The following EXOC6B variants were observed in gnomAD, a reference collection of about 807,000 sequenced individuals.
The protein encoded by EXOC6B is SEC15 homolog B.
In EXOC6B, 54 loss-of-function variants were observed where a neutral mutation model predicts 113.5. That is an observed-to-expected ratio of 0.48 (90% CI 0.38 to 0.60). The LOEUF is 0.60. EXOC6B is among the 20% of genes least tolerant of loss of function. The probability of loss-of-function intolerance (pLI) is 0.00; values close to 1 mark genes in which losing one functional copy is unlikely to be tolerated. For synonymous variants in EXOC6B, 357 were observed against 339.0 expected (o/e 1.05, Z -0.58); for missense variants, 797 against 977.5 (o/e 0.82, Z 2.46).
intron 20 of EXOC6B, among the ~76,000 whole-genome samples, chr2:72,214,650 C>T (rs1288043317): frequency 6.6e-6 from 1 of 152,126 alleles, no homozygotes; most frequent in Non-Finnish European, 1.5e-5. Context: ...CACTTATCAG[C>T]TGATCTGCAG....
At chr2:72,640,770 T>C (rs1006197770) in intron 6 of EXOC6B, among the ~76,000 whole-genome samples, 3 of 152,096 alleles carry the variant, frequency 2.0e-5, no homozygotes, top group Non-Finnish European at 4.4e-5. Flanking sequence ...AATAAAGGGA[T>C]GGAGAAAAAT....
At chr2:72,682,435 A>C (rs1325424073) in intron 6 of EXOC6B, among the ~76,000 whole-genome samples, 1 of 152,142 alleles carries the variant, frequency 6.6e-6, no homozygotes, top group African/African-American at 2.4e-5. Flanking sequence ...CCTTTTTTAT[A>C]TTCTCTACCT....
At chr2:72,401,405 T>G (rs554896192) in intron 18 of EXOC6B, among the ~76,000 whole-genome samples, 228 of 143,306 alleles carry the variant, frequency 1.6e-3, no homozygotes, top group Non-Finnish European at 2.7e-3. Context: ...GAGGTTGCAG[T>G]GAGCCGAGAT....
intron 20 of EXOC6B, among the ~76,000 whole-genome samples, chr2:72,190,959 A>G (rs1267253046): frequency 1.3e-5 from 2 of 152,220 alleles, no homozygotes; most frequent in Non-Finnish European, 2.9e-5. Flanking sequence ...GGCTAATTCA[A>G]TCAAAAGCAA....
Position 72,554,522 on chromosome 2 carries a change from C to T in EXOC6B, c.915+4931G>A, listed in dbSNP as rs191699487. ...TTTTAAAATGGCAATTTTTCCTGTC[C>T]TCACATTCATTCTCTTTCCTGCCAC... On this transcript the variant is annotated intron_variant, in intron 8 of 21. Coordinates refer to ENST00000272427, the MANE Select transcript of EXOC6B (RefSeq NM_015189.3). 5.9e-3 allele frequency among the ~76,000 whole-genome samples: 905 copies of T among 152,260 alleles called. 4 individuals carry two copies. The highest frequency in any genetic ancestry group is 9.7e-3 in the Non-Finnish European group (662 of 68,016).
chr2:72,541,007 G>A (rs1366184166), intron 8 of EXOC6B, among the ~76,000 whole-genome samples: 2 of 152,104 alleles, frequency 1.3e-5, no homozygotes, highest in Non-Finnish European at 2.9e-5. Context: ...TGGTTTGGTT[G>A]TGTCCCCACC....
intron 6 of EXOC6B, among the ~76,000 whole-genome samples, chr2:72,648,352 C>G (rs1387546624): frequency 6.6e-6 from 1 of 152,180 alleles, no homozygotes; most frequent in Non-Finnish European, 1.5e-5. Context: ...TTAGTTCAAC[C>G]ACTGTGGAAG....
At chr2:72,255,528 G>C (rs904331322) in intron 20 of EXOC6B, among the ~76,000 whole-genome samples, 8 of 152,212 alleles carry the variant, frequency 5.3e-5, no homozygotes, top group African/African-American at 1.9e-4. Flanking sequence ...AAATTGCCTT[G>C]CTGGATTCAA....
chr2:72,528,668 A>C (rs1239032584), intron 8 of EXOC6B, among the ~76,000 whole-genome samples: 4 of 152,216 alleles, frequency 2.6e-5, no homozygotes, highest in African/African-American at 9.6e-5. Flanking sequence ...CCAATCCACA[A>C]ACACAGTATG....
intron 20 of EXOC6B, among the ~76,000 whole-genome samples, chr2:72,302,825 T>A (rs898998755): frequency 1.3e-5 from 2 of 152,166 alleles, no homozygotes; most frequent in African/African-American, 4.8e-5. Flanking sequence ...TTAGCCCATT[T>A]ACATTTTTTA....
At chr2:72,404,469 G>A (rs1317186018) in intron 18 of EXOC6B, among the ~76,000 whole-genome samples, 1 of 152,202 alleles carries the variant, frequency 6.6e-6, no homozygotes, top group Non-Finnish European at 1.5e-5. Context: ...AGTAGGGGCA[G>A]ACTGACACCT....
At chr2:72,752,558 T>TCTCTCTCTCTCTCC (rs1682126070) in intron 1 of EXOC6B, among the ~76,000 whole-genome samples, 1 of 150,848 alleles carries the variant, frequency 6.6e-6, no homozygotes, top group African/African-American at 2.4e-5. Flanking sequence ...ACTCTCTCTC[T>TCTCTCTCTCTCTCC]CTCTCTCTCT....
At chr2:72,781,743 C>T (rs2104993181) in intron 1 of EXOC6B, among the ~76,000 whole-genome samples, 1 of 152,204 alleles carries the variant, frequency 6.6e-6, no homozygotes, top group Non-Finnish European at 1.5e-5. Flanking sequence ...ACTCATACGA[C>T]TTAAACTCAT....
At chr2:72,731,927 T>C (rs1444586630) in intron 3 of EXOC6B, among the ~76,000 whole-genome samples, 1 of 152,198 alleles carries the variant, frequency 6.6e-6, no homozygotes, top group Non-Finnish European at 1.5e-5. Context: ...AGAACAGTCA[T>C]GTACTACAAG....
At chr2:72,688,689 A>G (rs904734150) in intron 6 of EXOC6B, among the ~76,000 whole-genome samples, 3 of 152,256 alleles carry the variant, frequency 2.0e-5, no homozygotes, top group South Asian at 2.1e-4. Context: ...CTAAAGGGAT[A>G]TGAACAAGGC....
chr2:72,353,386 T>TGTATTGTA (rs774320429), intron 19 of EXOC6B, among the ~76,000 whole-genome samples: 2 of 151,516 alleles, frequency 1.3e-5, no homozygotes, highest in African/African-American at 4.9e-5. Context: ...TGTATCGTAT[T>TGTATTGTA]TTTGAGATGG....
At chr2:72,573,588 A>G (rs1704641021) in intron 7 of EXOC6B, among the ~76,000 whole-genome samples, 1 of 152,232 alleles carries the variant, frequency 6.6e-6, no homozygotes, top group African/African-American at 2.4e-5. Flanking sequence ...AAAGTGGCCC[A>G]ATAGATAACA....
intron 8 of EXOC6B, among the ~76,000 whole-genome samples, chr2:72,541,517 T>C (rs984274374): frequency 6.6e-6 from 1 of 152,164 alleles, no homozygotes; most frequent in Non-Finnish European, 1.5e-5. Flanking sequence ...CCTCCTAACA[T>C]TGCATGGTTT....
intron 3 of EXOC6B, among the ~76,000 whole-genome samples, chr2:72,731,870 T>G (rs1381882828): frequency 2.0e-5 from 3 of 152,138 alleles, no homozygotes; most frequent in African/African-American, 4.8e-5. Context: ...TTATTAAAAT[T>G]AAACATCAAA....
Sources: gnomAD v4.1 joint callset for allele counts (sites outside exome capture counted in the v4.1 genomes callset) on GRCh38, gnomAD v4.1.1 for gene constraint, MANE v1.5 for transcripts, NCBI Gene and HGNC (gene_info 2026-07-23, HGNC 2026-07-21) for gene names.